Variants in ATP10D observed in about 807,000 individuals in gnomAD.
ATP10D encodes phospholipid-transporting ATPase VD.
In ATP10D, 89 loss-of-function variants were observed where a neutral mutation model predicts 144.8. The ratio of observed to expected loss-of-function variants is 0.61; its 90% CI spans 0.52 to 0.73. The LOEUF is 0.73. Ranked by LOEUF, ATP10D falls within the 30% of genes least tolerant of loss-of-function variation. ATP10D has a pLI of 0.00. For missense variants in ATP10D, 1,603 were observed against 1,714.8 expected, an observed-to-expected ratio of 0.93 and a Z score of 1.15; for synonymous variants, 571 against 615.1, an observed-to-expected ratio of 0.93 and a Z score of 1.06.
At chr4:47,567,375 C>G (rs878858339) in intron 15 of ATP10D, among the ~76,000 whole-genome samples, 2 of 152,088 alleles carry the variant, frequency 1.3e-5, no homozygotes, top group Admixed American at 1.3e-4. Context: ...GTACAAAACC[C>G]TTTATAATCA....
At chr4:47,572,827 T>C (rs756120001) in intron 17 of ATP10D, 45 bp from the exon 18 acceptor site, 7 of 1,613,510 alleles carry the variant, frequency 4.3e-6, no homozygotes, top group Non-Finnish European at 5.1e-6. Flanking sequence ...TGTTCTAACA[T>C]GTTTGATCAC....
At chr4:47,568,383 G>A (rs1263959154) in intron 15 of ATP10D, among the ~76,000 whole-genome samples, 1 of 152,222 alleles carries the variant, frequency 6.6e-6, no homozygotes, top group Non-Finnish European at 1.5e-5. Context: ...CCTGCCATGT[G>A]TCATGCCTTA....
chr4:47,523,405 G>T (rs1717070037), intron 4 of ATP10D, among the ~76,000 whole-genome samples, 189 bp downstream of exon 4: 1 of 152,132 alleles, frequency 6.6e-6, no homozygotes, highest in Non-Finnish European at 1.5e-5. Context: ...AGGATAAAAT[G>T]ACTTCAGAAT....
rs575367801 is a variant in ATP10D at position 47,559,047 on chromosome 4, G to A, written c.2541+18G>A. The A allele has an allele frequency of 2.4e-4, 388 of 1,587,232 alleles. 5 individuals carry two copies. In the South Asian group the frequency reaches 3.5e-3, roughly 14 times the overall value. Reference sequence around the variant, plus strand: ...CAAAGAAGGTGAGACTGCTTAGTGCGCTCCATCTTTTTTGTTTTTTCCCTT... The same window carrying A: ...CAAAGAAGGTGAGACTGCTTAGTGCACTCCATCTTTTTTGTTTTTTCCCTT... On this transcript the variant is annotated intron_variant, in intron 13 of 22. Transcript: ENST00000273859.
At chr4:47,543,378 G>T (rs2109431642) in intron 9 of ATP10D, among the ~76,000 whole-genome samples, 1 of 152,186 alleles carries the variant, frequency 6.6e-6, no homozygotes, top group South Asian at 2.1e-4. Flanking sequence ...AATTCCTTGA[G>T]CTACTCAAGG....
At chr4:47,506,504 T>C (rs908270126) in intron 1 of ATP10D, among the ~76,000 whole-genome samples, 3 of 152,198 alleles carry the variant, frequency 2.0e-5, no homozygotes, top group African/African-American at 7.2e-5. Flanking sequence ...AAATATTGGA[T>C]GGGAAAATTA....
At chr4:47,561,123 A>G in intron 14 of ATP10D, 48 bp downstream of exon 14, 1 of 1,605,698 alleles carries the variant, frequency 6.2e-7, no homozygotes, top group Non-Finnish European at 8.5e-7. Flanking sequence ...TTTGAAAAAC[A>G]CTGGATATCT....
chr4:47,522,959 A>G (rs1186157665), intron 3 of ATP10D, 53 bp from the exon 4 acceptor site: 4 of 1,392,358 alleles, frequency 2.9e-6, no homozygotes, highest in Non-Finnish European at 4.0e-6. Flanking sequence ...AAAACATTGT[A>G]TGTATTTTTC....
At chr4:47,583,214 G>A (rs1720613828) in intron 21 of ATP10D, 1 of 152,178 alleles carries the variant, frequency 6.6e-6, no homozygotes, top group South Asian at 2.1e-4. Context: ...GCGAGGGTAG[G>A]GTTCATGCCT....
intron 22 of ATP10D, 57 bp from the exon 23 acceptor site, chr4:47,590,985 G>C (rs565233895): frequency 4.1e-5 from 49 of 1,203,406 alleles, no homozygotes; most frequent in East Asian, 2.6e-5. Flanking sequence ...TTGGGGGGGG[G>C]GGTTCTGTAA....
At chr4:47,492,763 C>G (rs1242299672) in intron 1 of ATP10D, among the ~76,000 whole-genome samples, 2 of 152,104 alleles carry the variant, frequency 1.3e-5, no homozygotes, top group Non-Finnish European at 2.9e-5. Flanking sequence ...TTTCATCTAT[C>G]AGACTGAATT....
At chr4:47,491,222 C>G in intron 1 of ATP10D, 1 of 763,944 alleles carries the variant, frequency 1.3e-6, no homozygotes, top group Non-Finnish European at 2.4e-6. Context: ...AGAATCTTGC[C>G]CTTAACTTGT....
chr4:47,553,738 A>T (rs1261452198), intron 10 of ATP10D, among the ~76,000 whole-genome samples: 2 of 152,232 alleles, frequency 1.3e-5, no homozygotes, highest in East Asian at 3.8e-4. Context: ...CTCTCTTCTT[A>T]TTAAACCTAT....
At chr4:47,551,845 C>A (rs972463717) in intron 10 of ATP10D, among the ~76,000 whole-genome samples, 1 of 152,176 alleles carries the variant, frequency 6.6e-6, no homozygotes, top group African/African-American at 2.4e-5. Flanking sequence ...TTGGGAGAAA[C>A]AGCTATGGAT....
At chr4:47,531,546 A>G (rs1250427904) in intron 5 of ATP10D, among the ~76,000 whole-genome samples, 1 of 152,214 alleles carries the variant, frequency 6.6e-6, no homozygotes, top group Non-Finnish European at 1.5e-5. Context: ...TTAAAAAGAA[A>G]CATTTATCCT....
At chr4:47,528,511 G>GTATATATA (rs1717390162) in intron 5 of ATP10D, among the ~76,000 whole-genome samples, 1 of 82,012 alleles carries the variant, frequency 1.2e-5, no homozygotes, top group Non-Finnish European at 2.3e-5. Flanking sequence ...GTGTGTGTGT[G>GTATATATA]TGTATATATA....
chr4:47,565,531 C>G (rs574422024), intron 15 of ATP10D, among the ~76,000 whole-genome samples: 7 of 152,174 alleles, frequency 4.6e-5, no homozygotes, highest in Non-Finnish European at 7.4e-5. Flanking sequence ...TAGGGAGTTA[C>G]TTACCCTCCT....
In ATP10D at chr4:47,523,086, A is replaced by T. The variant is rs1577642767; in HGVS notation, c.560A>T (p.Glu187Val). 4 of 1,613,854 alleles carry T rather than the reference A, an allele frequency of 2.5e-6. No individual in the cohort carries two copies. The highest frequency in any genetic ancestry group is 3.4e-6 in the Non-Finnish European group (4 of 1,179,976). The change falls in exon 4 of 23, where the codon GAG becomes GTG. Residue 187 changes from glutamate to valine, a missense_variant. Coordinates refer to ENST00000273859, the MANE Select transcript of ATP10D (RefSeq NM_020453.4). ...GACTTTATTCGCCTCTCCTGCAACGAGGTCATCCCTGCAGACATGGTACTA... is the reference window on the plus strand; with the variant it reads ...GACTTTATTCGCCTCTCCTGCAACGTGGTCATCCCTGCAGACATGGTACTA... ...VGDFIRLSCN[E>V]VIPADMVLLF...
intron 10 of ATP10D, 58 bp from the exon 11 acceptor site, chr4:47,554,668 T>C (rs1215348463): frequency 1.4e-6 from 2 of 1,391,480 alleles, no homozygotes; most frequent in East Asian, 2.3e-5. Flanking sequence ...CTCATGTTGA[T>C]TTAAAACTAA....
Sources: allele counts gnomAD v4.1 joint callset (sites outside exome capture counted in the v4.1 genomes callset), GRCh38; gene constraint gnomAD v4.1.1; transcripts MANE v1.5; gene names NCBI Gene and HGNC (gene_info 2026-07-23, HGNC 2026-07-21).